ZNF853: variants seen among roughly 807,000 people sequenced by gnomAD.
ZNF853 encodes zinc finger protein 853.
A neutral mutation model predicts 94.7 loss-of-function variants in ZNF853; 57 were observed. The ratio of observed to expected loss-of-function variants is 0.60; its 90% CI spans 0.49 to 0.75. ZNF853 has a LOEUF of 0.75. ZNF853 is among the 30% of genes least tolerant of loss of function. ZNF853 has a pLI of 0.00. For synonymous variants in ZNF853, 448 were observed against 406.3 expected, an observed-to-expected ratio of 1.10 and a Z score of -1.23; for missense variants, 785 against 868.9, an observed-to-expected ratio of 0.90 and a Z score of 1.21.
rs1309221445 is a variant in ZNF853 at position 6,622,832 on chromosome 7, G to A, written c.1841G>A (p.Arg614His). 7 of 1,518,942 alleles carry A rather than the reference G, an allele frequency of 4.6e-6. No individual in the cohort carries two copies. Among genetic ancestry groups the A allele is most frequent in the Non-Finnish European group, 6.2e-6 (7 of 1,137,310 alleles). 94.1% of individuals were successfully genotyped at this position (1,518,942 alleles called of 1,614,324 possible). A position where few individuals can be genotyped will look rare whatever the true frequency, so the allele number is the denominator to read the frequency against. Residue 614 changes from arginine (R) to histidine (H), a missense_variant, in exon 3 of 3, where the codon CGC (arginine) becomes CAC (histidine). Transcript: ENST00000457543. ...ERFRHKVQIR[R>H]HERQLHGAGR... ...TTCCGACACAAGGTGCAGATCCGCC[G>A]CCACGAGCGCCAGCTGCACGGCGCG...
chr7:6,622,074 G>T lies in ZNF853; in HGVS notation c.1083G>T (p.Leu361=). The change falls in exon 3 of 3, where the codon CTG becomes CTT. Residue 361 remains leucine (L), a synonymous_variant. Transcript: ENST00000457543. The part of the protein sequence containing the change: ...QQEQRQLQLK[L]QEELQQLEQQ... Reference sequence around the variant, plus strand: ...AGCAGCGGCAGCTGCAGCTCAAACTGCAGGAGGAGCTGCAGCAGCTGGAGC... The same window carrying T: ...AGCAGCGGCAGCTGCAGCTCAAACTTCAGGAGGAGCTGCAGCAGCTGGAGC... 6.5e-7 allele frequency: 1 copy of T among 1,547,190 alleles called. No homozygotes were observed.
In ZNF853 at chr7:6,623,049, A is replaced by C; in HGVS notation, c.*78A>C. On this transcript the variant is annotated 3_prime_UTR_variant, in exon 3 of 3. Transcript: ENST00000457543. ...CTGAAAAGCTCCTTGACCCGGGTTC[A>C]TGGGCGCTGGAGGCGTCCTGGAATA... The C allele has an allele frequency of 8.3e-7, 1 of 1,208,640 alleles. No individual in the cohort carries two copies. Among genetic ancestry groups the C allele is most frequent in the Non-Finnish European group, 1.0e-6 (1 of 966,224 alleles). The allele number at this position is 1,208,640 out of a possible 1,614,324, so 74.9% of individuals were successfully genotyped here. A position where few individuals can be genotyped will look rare whatever the true frequency, so the allele number is the denominator to read the frequency against.
intron 2 of ZNF853, chr7:6,617,538 A>G: frequency 1.0e-6 from 1 of 958,294 alleles, no homozygotes; most frequent in African/African-American, 1.8e-5. Flanking sequence ...TGGACTTAAC[A>G]CTCACACGCG....
At position 6,621,497 on chromosome 7, in the gene ZNF853, G is replaced by A. The variant is rs1185556743; in HGVS notation, c.506G>A (p.Arg169Gln). 7 of 1,551,608 alleles carry A rather than the reference G, an allele frequency of 4.5e-6. No homozygotes were observed. Among genetic ancestry groups the A allele is most frequent in the African/African-American group, 2.7e-5 (2 of 73,030 alleles). Residue 169 changes from arginine (R) to glutamine (Q), a missense_variant, in exon 3 of 3, where the codon CGG becomes CAG. Coordinates refer to ENST00000457543, the MANE Select transcript of ZNF853 (RefSeq NM_017560.3). ...LQPQQVQEQQ[R>Q]LQQQQEQLQT... is the part of the protein sequence containing the mutation. ...CCACAGCAAGTGCAAGAGCAACAGC[G>A]GTTGCAGCAGCAGCAGGAGCAGTTA...
chr7:6,620,649 T>C, intron 2 of ZNF853, among the ~76,000 whole-genome samples: 2 of 152,056 alleles, frequency 1.3e-5, no homozygotes, highest in African/African-American at 2.4e-5. Flanking sequence ...TGAGATGGAC[T>C]CTCCCTCTGT....
chr7:6,619,562 G>C, intron 2 of ZNF853, among the ~76,000 whole-genome samples: 2 of 152,138 alleles, frequency 1.3e-5, no homozygotes, highest in Admixed American at 6.6e-5. Flanking sequence ...GAGCCACCGC[G>C]CCCGGCCATC....
intron 1 of ZNF853, among the ~76,000 whole-genome samples, chr7:6,616,389 G>A: frequency 1.3e-5 from 2 of 152,198 alleles, no homozygotes; most frequent in Non-Finnish European, 2.9e-5. Context: ...GAGCTGGGGT[G>A]GCAGCTGACA....
intron 2 of ZNF853, among the ~76,000 whole-genome samples, chr7:6,618,879 G>C: frequency 3.9e-5 from 6 of 152,054 alleles, no homozygotes; most frequent in Non-Finnish European, 8.8e-5. Context: ...ACTTGCTGGG[G>C]GGACAGTTTT....
intron 1 of ZNF853, 36 bp downstream of exon 1, chr7:6,616,222 G>T: frequency 6.5e-7 from 1 of 1,545,888 alleles, no homozygotes. Context: ...TGGGCAACCG[G>T]GGACGCGTCC....
Position 6,621,210 on chromosome 7 carries a change from G to T in ZNF853, c.219G>T (p.Val73=). 6.5e-7 allele frequency: 1 copy of T among 1,535,788 alleles called. No homozygotes were observed. Among genetic ancestry groups the T allele is most frequent in the South Asian group, 1.2e-5 (1 of 81,060 alleles). ...AGCGGCCAGCAGTCTCGGCCCCAGTGGGGGCCAGTGAAATCGCTGAGGAAA... is the reference window on the plus strand; with the variant it reads ...AGCGGCCAGCAGTCTCGGCCCCAGTTGGGGCCAGTGAAATCGCTGAGGAAA... ...SPQRPAVSAP[V]GASEIAEETR... is the part of the protein sequence containing the mutation. Residue 73 remains valine (V), a synonymous_variant, in exon 3 of 3, where the codon GTG becomes GTT. Coordinates refer to ENST00000457543, the MANE Select transcript of ZNF853 (RefSeq NM_017560.3).
At position 6,616,185 on chromosome 7, in the gene ZNF853, A is replaced by G. The variant is rs1041866633; in HGVS notation, c.11A>G (p.Gln4Arg). ...GCCCGGGAGCAGGAAATGCTCCACCAGGTGAGGCCCAGGGGGTCGTTGGCG... is the reference window on the plus strand; with the variant it reads ...GCCCGGGAGCAGGAAATGCTCCACCGGGTGAGGCCCAGGGGGTCGTTGGCG... MLH[Q>R]PTPGNRGLTA... Residue 4 changes from glutamine to arginine, a missense_variant and splice_region_variant, in exon 1 of 3, where the codon CAG (glutamine) becomes CGG (arginine). Transcript: ENST00000457543. 1 of 1,548,112 alleles carries G rather than the reference A, an allele frequency of 6.5e-7. No homozygotes were observed. Among genetic ancestry groups the G allele is most frequent in the Non-Finnish European group, 8.7e-7 (1 of 1,144,992 alleles).
Position 6,621,555 on chromosome 7 carries a change from G to A in ZNF853, c.564G>A (p.Leu188=). 5.8e-6 allele frequency: 9 copies of A among 1,551,736 alleles called. No individual in the cohort carries two copies. Among genetic ancestry groups the A allele is most frequent in the Non-Finnish European group, 7.0e-6 (8 of 1,147,004 alleles). Residue 188 remains leucine (L), a synonymous_variant, in exon 3 of 3, where the codon TTG becomes TTA. Transcript: ENST00000457543. ...QTQQAQEQQV[L]QQQEQLQQQV... is the part of the protein sequence containing the mutation. ...AGCAAGCACAAGAGCAACAGGTATTGCAGCAGCAGGAACAGCTACAGCAGC... is the reference window on the plus strand; with the variant it reads ...AGCAAGCACAAGAGCAACAGGTATTACAGCAGCAGGAACAGCTACAGCAGC...
At chr7:6,619,667 CAT>C in intron 2 of ZNF853, among the ~76,000 whole-genome samples, 3 of 152,108 alleles carry the variant, frequency 2.0e-5, no homozygotes, top group South Asian at 2.1e-4. Context: ...AAATGGAAAA[CAT>C]ATGATGTTAT....
At position 6,617,178 on chromosome 7, in the gene ZNF853, C is replaced by T; in HGVS notation, c.13-12C>T. ...CCAGCCTGGCTAAACTGCTTCCTTC[C>T]TTTCAGCACAGCCGACTCCCGGGAA... On this transcript the variant is annotated splice_polypyrimidine_tract_variant and intron_variant, in intron 1 of 2. Coordinates refer to ENST00000457543, the MANE Select transcript of ZNF853 (RefSeq NM_017560.3). 6.5e-7 allele frequency: 1 copy of T among 1,539,062 alleles called. No individual in the cohort carries two copies. The highest frequency in any genetic ancestry group is 8.8e-7 in the Non-Finnish European group (1 of 1,141,942).
chr7:6,617,158 C>T, intron 1 of ZNF853, 32 bp from the exon 2 acceptor site: 11 of 1,520,098 alleles, frequency 7.2e-6, no homozygotes, highest in African/African-American at 4.2e-5. Context: ...GCACTCCAGC[C>T]TGGCTAAACT....
In ZNF853 at chr7:6,622,599, G is replaced by C. The variant is rs1175474032; in HGVS notation, c.1608G>C (p.Thr536=). Residue 536 remains threonine, a synonymous_variant, in exon 3 of 3, where the codon ACG becomes ACC. Coordinates refer to ENST00000457543, the MANE Select transcript of ZNF853 (RefSeq NM_017560.3). ...TGGTGACGCACCAACGCATCCACAC[G>C]GGCGAGAAACCCTACGCCTGCTCCT... ...SNLVTHQRIH[T]GEKPYACSYC... The C allele has an allele frequency of 2.5e-6, 4 of 1,579,248 alleles. No homozygotes were observed. Among genetic ancestry groups the C allele is most frequent in the Non-Finnish European group, 2.6e-6 (3 of 1,163,650 alleles).
intron 1 of ZNF853, 42 bp from the exon 2 acceptor site, chr7:6,617,148 G>A: frequency 4.7e-6 from 7 of 1,490,698 alleles, no homozygotes; most frequent in Non-Finnish European, 6.3e-6. Flanking sequence ...GGGGGTCAAA[G>A]CACTCCAGCC....
Position 6,616,169 on chromosome 7 carries a change from C to T in ZNF853, c.-6C>T. On this transcript the variant is annotated 5_prime_UTR_variant, in exon 1 of 3. Transcript: ENST00000457543. ...CCCTAGCGCAGAGGCTGCCCGGGAG[C>T]AGGAAATGCTCCACCAGGTGAGGCC... is the stretch of plus-strand genomic sequence containing the variant. 5 of 1,547,798 alleles carry T rather than the reference C, an allele frequency of 3.2e-6. No individual in the cohort carries two copies. In the South Asian group the frequency reaches 6.0e-5, roughly 18 times the overall value.
At chr7:6,619,038 T>G in intron 2 of ZNF853, among the ~76,000 whole-genome samples, 1 of 138,516 alleles carries the variant, frequency 7.2e-6, no homozygotes, top group African/African-American at 2.7e-5. Flanking sequence ...GTGGATTTTT[T>G]TTTTTTTTTT....
Sources: allele counts gnomAD v4.1 joint callset (sites outside exome capture counted in the v4.1 genomes callset), GRCh38; gene constraint gnomAD v4.1.1; transcripts MANE v1.5; gene names NCBI Gene and HGNC (gene_info 2026-07-23, HGNC 2026-07-21).